The following CCDC171 variants were observed in gnomAD, a reference collection of about 807,000 sequenced individuals.
CCDC171 encodes coiled-coil domain containing 171, also known as coiled-coil domain-containing protein 171.
A neutral mutation model predicts 168.2 loss-of-function variants in CCDC171; 177 were observed. The observed-to-expected ratio is 1.05, with a 90% confidence interval of 0.93 to 1.19. The LOEUF (loss-of-function observed/expected upper bound fraction) is 1.19. CCDC171 is among the 50% of genes most tolerant of loss of function. The probability of loss-of-function intolerance (pLI) is 0.00; values close to 1 mark genes in which losing one functional copy is unlikely to be tolerated. For missense variants in CCDC171, 1,991 were observed against 1,539.0 expected, an observed-to-expected ratio of 1.29 and a Z score of -4.91; for synonymous variants, 687 against 540.8, an observed-to-expected ratio of 1.27 and a Z score of -3.75.
chr9:15,836,008 G>C (rs1167024568), intron 21 of CCDC171, among the ~76,000 whole-genome samples: 1 of 151,808 alleles, frequency 6.6e-6, no homozygotes, highest in Non-Finnish European at 1.5e-5. Flanking sequence ...ACTCACCTAA[G>C]TCTCAGATGA....
At chr9:15,804,869 GA>G (rs1233284016) in intron 21 of CCDC171, among the ~76,000 whole-genome samples, 1 of 152,120 alleles carries the variant, frequency 6.6e-6, no homozygotes, top group Non-Finnish European at 1.5e-5. Context: ...ATTCAGCTGT[GA>G]ATATGTCTGG....
chr9:15,814,961 T>C (rs2059507101), intron 21 of CCDC171, among the ~76,000 whole-genome samples: 3 of 152,192 alleles, frequency 2.0e-5, no homozygotes, highest in Admixed American at 1.3e-4. Flanking sequence ...TATTATAAAA[T>C]CTTACATTCT....
At chr9:15,686,677 C>T (rs140701243) in intron 10 of CCDC171, among the ~76,000 whole-genome samples, 1 of 152,050 alleles carries the variant, frequency 6.6e-6, no homozygotes, top group Admixed American at 6.6e-5. Flanking sequence ...AGGGACATCT[C>T]ATGTTGTTAA....
chr9:15,649,449 G>A (rs1322263989), intron 7 of CCDC171, among the ~76,000 whole-genome samples: 1 of 152,188 alleles, frequency 6.6e-6, no homozygotes, highest in Admixed American at 6.5e-5. Context: ...GCTACCATCA[G>A]AGCGAACAGG....
chr9:15,845,792 TAAG>T (rs751456559), intron 21 of CCDC171: 10 of 151,800 alleles, frequency 6.6e-5, no homozygotes, highest in Non-Finnish European at 1.2e-4. Context: ...GGCAAAGGAG[TAAG>T]AAGATTTTTA....
intron 25 of CCDC171, among the ~76,000 whole-genome samples, chr9:15,960,069 A>G (rs536858328): frequency 2.2e-4 from 34 of 152,322 alleles, no homozygotes; most frequent in African/African-American, 7.7e-4. Flanking sequence ...TGAGGCTTGT[A>G]TGAGCAGGAC....
At chr9:15,811,329 T>C (rs993742388) in intron 21 of CCDC171, among the ~76,000 whole-genome samples, 1 of 152,220 alleles carries the variant, frequency 6.6e-6, no homozygotes, top group African/African-American at 2.4e-5. Flanking sequence ...AGCATACCTC[T>C]CTGTTATTGG....
chr9:15,857,831 G>T (rs759839810), intron 23 of CCDC171, among the ~76,000 whole-genome samples: 1 of 151,792 alleles, frequency 6.6e-6, no homozygotes, highest in Non-Finnish European at 1.5e-5. Flanking sequence ...AGGATCAATT[G>T]ACCATATATG....
intron 3 of CCDC171, among the ~76,000 whole-genome samples, chr9:15,575,156 A>C (rs566997278): frequency 1.6e-5 from 2 of 126,858 alleles, no homozygotes; most frequent in South Asian, 2.6e-4. Context: ...TGACATAACT[A>C]CTTTTTTTTT....
chr9:16,094,163 G>T, the CCDC171 span, among the ~76,000 whole-genome samples: 1 of 152,180 alleles, frequency 6.6e-6, no homozygotes, highest in Non-Finnish European at 1.5e-5. Context: ...ACGGTGGGCT[G>T]GAAGGAGCAC....
chr9:15,732,616 A>G (rs931980918), intron 16 of CCDC171, among the ~76,000 whole-genome samples: 4 of 152,174 alleles, frequency 2.6e-5, no homozygotes, highest in Non-Finnish European at 4.4e-5. Flanking sequence ...ATTGTTGCAT[A>G]TATCAGTAGT....
intron 7 of CCDC171, among the ~76,000 whole-genome samples, chr9:15,623,836 T>C (rs995186676): frequency 1.3e-5 from 2 of 152,212 alleles, no homozygotes; most frequent in Non-Finnish European, 2.9e-5. Context: ...TTTTGTGGAA[T>C]GCTTTTCAGA....
rs1300247035 is a variant in CCDC171, at chr9:15,603,758, G to T, written c.675+9586G>T. ...AGTAGAATGATTTATATTCCTTTGG[G>T]TATATACCTATTAATGGGATTGCTG... On this transcript the variant is annotated intron_variant, in intron 6 of 25. Transcript: ENST00000380701. Among the ~76,000 whole-genome samples the T allele has an allele frequency of 3.3e-5, 5 of 151,732 alleles. No individual in the cohort carries two copies. The East Asian group carries it at 6.1e-4, about 18-fold the overall frequency.
chr9:15,727,989 G>C lies in CCDC171; in HGVS notation c.1813G>C (p.Glu605Gln). ...GTCTGAGCTTTGTGCAGTCTTACAG[G>C]AGAATGTTGATGCCCTGATTGCAGA... Reference protein sequence around the residue: ...SWSELCAVLQENVDALIADLN... With the variant: ...SWSELCAVLQQNVDALIADLN... Residue 605 changes from glutamate to glutamine, a missense_variant, in exon 15 of 26, where the codon GAG becomes CAG. Glu to Gln is a conservative substitution (Grantham distance 29). Transcript: ENST00000380701. 6.2e-7 allele frequency: 1 copy of C among 1,613,194 alleles called. No individual in the cohort carries two copies. The highest frequency in any genetic ancestry group is 8.5e-7 in the Non-Finnish European group (1 of 1,179,516).
At chr9:16,005,820 C>T (rs1832677800) in intron 3 of CCDC171, among the ~76,000 whole-genome samples, 1 of 152,100 alleles carries the variant, frequency 6.6e-6, no homozygotes, top group Admixed American at 6.6e-5. Context: ...ACTAATCCCC[C>T]ATGGATATCA....
intron 2 of CCDC171, among the ~76,000 whole-genome samples, chr9:15,568,890 C>G (rs77287581): frequency 0.032 from 4,919 of 152,210 alleles, 264 homozygotes; most frequent in African/African-American, 0.11. Flanking sequence ...CGAAGAAGCT[C>G]TTAAGTTTAA....
chr9:16,029,751 T>C (rs1176264063), intron 6 of CCDC171, among the ~76,000 whole-genome samples: 2 of 152,166 alleles, frequency 1.3e-5, no homozygotes, highest in East Asian at 3.9e-4. Context: ...GGAACCAAAT[T>C]GGTGAACAAA....
the CCDC171 span, among the ~76,000 whole-genome samples, chr9:16,072,892 T>A: frequency 6.6e-6 from 1 of 152,216 alleles, no homozygotes. Context: ...TGTGGGGTCC[T>A]TAAATGCAAG....
chr9:15,793,835 T>C (rs1269696208), intron 21 of CCDC171, among the ~76,000 whole-genome samples: 2 of 152,030 alleles, frequency 1.3e-5, no homozygotes, highest in African/African-American at 4.8e-5. Flanking sequence ...ATGTGACAGA[T>C]ATATTAATCT....
Sources: gnomAD v4.1 joint callset for allele counts (sites outside exome capture counted in the v4.1 genomes callset) on GRCh38, gnomAD v4.1.1 for gene constraint, MANE v1.5 for transcripts, NCBI Gene and HGNC (gene_info 2026-07-23, HGNC 2026-07-21) for gene names.